Variants in ZNF99 observed in about 807,000 individuals in gnomAD.
ZNF99 encodes the protein zinc finger protein 99, also known as zinc finger protein ENSP00000375192.
In ZNF99, 8 loss-of-function variants were observed where a neutral mutation model predicts 12.8. The observed-to-expected ratio is 0.62, with a 90% CI of 0.37 to 1.13. ZNF99 has a LOEUF of 1.13. Ranked by LOEUF, ZNF99 falls within the 50% of genes most tolerant of loss-of-function variation. The pLI, the probability that ZNF99 is intolerant of heterozygous loss-of-function variation, is 0.02. For missense variants in ZNF99, 1,007 were observed against 1,006.2 expected, an observed-to-expected ratio of 1.00 and a Z score of -0.01; for synonymous variants, 318 against 319.0, an observed-to-expected ratio of 1.00 and a Z score of 0.03.
chr19:22,783,819 G>A (rs7248413), intron 1 of ZNF99, among the ~76,000 whole-genome samples, 195 bp downstream of exon 1: 12,998 of 152,190 alleles, frequency 0.085, 572 homozygotes, highest in Middle Eastern at 0.11. Context: ...CAGGAAGGAG[G>A]CAGGTCGCCC....
rs1189839136 is a variant in ZNF99 at position 22,759,170 on chromosome 19, A to C, written c.739T>G (p.Cys247Gly). 6.3e-7 allele frequency: 1 copy of C among 1,599,944 alleles called. No homozygotes were observed. The highest frequency in any genetic ancestry group is 1.7e-5 in the Admixed American group (1 of 57,470). Reference protein sequence around the residue: ...AFNISSMFTKCKIIHTGKKPC... With the variant: ...AFNISSMFTKGKIIHTGKKPC... The stretch of plus-strand genomic sequence containing the variant: ...TTCTTTCCAGTATGAATTATCTTAC[A>C]TTTAGTGAACATTGAAGAGATGTTA... The change falls in exon 4 of 4, where the codon TGT becomes GGT. Residue 247 changes from cysteine to glycine, a missense_variant. Transcript: ENST00000596209.
chr19:22,761,556 T>C (rs1269855956), intron 3 of ZNF99, among the ~76,000 whole-genome samples: 1 of 152,074 alleles, frequency 6.6e-6, no homozygotes, highest in Non-Finnish European at 1.5e-5. Context: ...ACTTCAATAC[T>C]CCACTGACAG....
rs1973113839 is a variant in ZNF99, at chr19:22,758,872, C to T, written c.1037G>A (p.Cys346Tyr). Residue 346 changes from cysteine to tyrosine, a missense_variant, in exon 4 of 4, where the codon TGT becomes TAT. Physicochemically the swap from Cys to Tyr is radical, Grantham distance 194. Transcript: ENST00000596209. ...TGKKPYKCEE[C>Y]GKAFSQSSTL... ...TGAGGACTGGCTAAAAGCTTTGCCA[C>T]ATTCTTCACATTTGTAGGGTTTCTT... The T allele has an allele frequency of 1.9e-6, 3 of 1,613,698 alleles. No homozygotes were observed. The African/African-American group carries it at 4.0e-5, about 22-fold the overall frequency.
rs946839625 is a variant in ZNF99, at chr19:22,778,402, T to C, written c.3+5612A>G. Among the ~76,000 whole-genome samples, 4 of 152,120 alleles carry C rather than the reference T, an allele frequency of 2.6e-5. No homozygotes were observed. In the East Asian group the frequency reaches 5.8e-4, roughly 22 times the overall value. On this transcript the variant is annotated intron_variant, in intron 1 of 3. Transcript: ENST00000596209. Reference sequence around the variant, plus strand: ...CACCAAGCAATTCTCCCACACCAACTCACTGTCTGACATTCTCCAACACCA... The same window carrying C: ...CACCAAGCAATTCTCCCACACCAACCCACTGTCTGACATTCTCCAACACCA...
Position 22,752,483 on chromosome 19 carries a change from AAAAG to A in ZNF99, c.*4827_*4830del, listed in dbSNP as rs1454750110. 6.6e-6 allele frequency: 1 copy of A among 152,114 alleles called. No homozygotes were observed. Among genetic ancestry groups the A allele is most frequent in the Non-Finnish European group, 1.5e-5 (1 of 68,006 alleles). 9.4% of individuals were successfully genotyped at this position (152,114 alleles called of 1,614,324 possible). A position where few individuals can be genotyped will look rare whatever the true frequency, so the allele number is the denominator to read the frequency against. On this transcript the variant is annotated 3_prime_UTR_variant, in exon 4 of 4. Transcript: ENST00000596209. Reference sequence around the variant, plus strand: ...GTTTAAATTTGTCAAGGCAAAAAAAAAAAGAAGTTTAAATAAGATTAAAAGTATA... The same window carrying A: ...GTTTAAATTTGTCAAGGCAAAAAAAAAAGTTTAAATAAGATTAAAAGTATA...
chr19:22,779,229 T>C (rs1408281897), intron 1 of ZNF99, among the ~76,000 whole-genome samples: 3 of 151,500 alleles, frequency 2.0e-5, no homozygotes, highest in Non-Finnish European at 4.4e-5. Context: ...CATTAAAAAA[T>C]AAATAAATAA....
chr19:22,784,110 A>T lies in ZNF99; in HGVS notation c.-94T>A, dbSNP rs895640846. On this transcript the variant is annotated 5_prime_UTR_variant, in exon 1 of 4. Coordinates refer to ENST00000596209, the MANE Select transcript of ZNF99 (RefSeq NM_001080409.3). ...CAGAGGCTAAGGACACAGAGCAGTA[A>T]AAACGAGATCCGGAGCTCCAGCTGG... The T allele has an allele frequency of 7.7e-6, 11 of 1,434,766 alleles. No homozygotes were observed. Among genetic ancestry groups the T allele is most frequent in the Non-Finnish European group, 1.1e-5 (11 of 1,037,068 alleles). The allele number at this position is 1,434,766 out of a possible 1,614,324, so 88.9% of individuals were successfully genotyped here.
At chr19:22,768,061 C>A (rs1973224249) in intron 3 of ZNF99, among the ~76,000 whole-genome samples, 1 of 152,168 alleles carries the variant, frequency 6.6e-6, no homozygotes, top group Admixed American at 6.5e-5. Context: ...ATGCCATGAA[C>A]ACAACTTTGG....
chr19:22,759,368 A>G lies in ZNF99; in HGVS notation c.541T>C (p.Ser181Pro). The change falls in exon 4 of 4, where the codon TCA (serine) becomes CCA (proline). Residue 181 changes from serine to proline, a missense_variant. Ser to Pro is a moderately conservative substitution (Grantham distance 74). Transcript: ENST00000596209. ...KTFKCMKCSK[S>P]FFMLSHLIQH... ...ATTAAGTGTGAAAGCATGAAAAATG[A>G]TTTGCTACATTTCATACATTTGAAA... is the stretch of plus-strand genomic sequence containing the variant. 6.4e-7 allele frequency: 1 copy of G among 1,552,728 alleles called. No individual in the cohort carries two copies. Among genetic ancestry groups the G allele is most frequent in the Non-Finnish European group, 8.7e-7 (1 of 1,148,750 alleles).
chr19:22,777,738 G>A (rs1310748251), intron 1 of ZNF99, among the ~76,000 whole-genome samples: 1 of 152,040 alleles, frequency 6.6e-6, no homozygotes, highest in Non-Finnish European at 1.5e-5. Flanking sequence ...TCTGGGGTTG[G>A]GATATGCCAG....
In ZNF99 at chr19:22,771,638, C is replaced by T. The variant is rs923377687; in HGVS notation, c.4-2314G>A. Among the ~76,000 whole-genome samples the T allele has an allele frequency of 8.0e-5, 12 of 150,710 alleles. 1 individual carries two copies. The highest frequency in any genetic ancestry group is 6.0e-4 in the Admixed American group (9 of 15,032). ...TCAACATTACATGTTCTACTTTTTC[C>T]GTAAGGACCCCAGCTTTTCCCCAAT... On this transcript the variant is annotated intron_variant, in intron 1 of 3. Coordinates refer to ENST00000596209, the MANE Select transcript of ZNF99 (RefSeq NM_001080409.3).
intron 1 of ZNF99, chr19:22,769,773 A>G (rs1457408449): frequency 9.4e-7 from 1 of 1,060,768 alleles, no homozygotes; most frequent in African/African-American, 1.7e-5. Flanking sequence ...AAAAAAAAAA[A>G]TAAAGAAAAG....
intron 1 of ZNF99, among the ~76,000 whole-genome samples, chr19:22,779,956 A>G (rs1013560393): frequency 6.6e-6 from 1 of 152,216 alleles, no homozygotes; most frequent in Non-Finnish European, 1.5e-5. Context: ...TCTCAAAACA[A>G]TAACAATTTC....
Position 22,756,022 on chromosome 19 carries a change from A to C in ZNF99, c.*1292T>G. On this transcript the variant is annotated 3_prime_UTR_variant, in exon 4 of 4. Transcript: ENST00000596209. ...GTGAGGACTGGTTAAAGGCTTTGCC[A>C]CATTCTTTACATTTGTGGGGTTTCT... The C allele has an allele frequency of 1.0e-6, 1 of 984,430 alleles. No individual in the cohort carries two copies. The highest frequency in any genetic ancestry group is 1.5e-6 in the Non-Finnish European group (1 of 675,948). 61.0% of individuals were successfully genotyped at this position (984,430 alleles called of 1,614,324 possible).
At chr19:22,770,038 G>A in intron 1 of ZNF99, 1 of 1,295,232 alleles carries the variant, frequency 7.7e-7, no homozygotes. Flanking sequence ...TGGAGATCTT[G>A]TTAAGCATAT....
intron 2 of ZNF99, 65 bp from the exon 3 acceptor site, chr19:22,768,465 G>C: frequency 1.5e-6 from 2 of 1,364,396 alleles, no homozygotes. Context: ...GCTCATTAAA[G>C]AGAATGTAAT....
In ZNF99 at chr19:22,752,526, C is replaced by T. The variant is rs997598143; in HGVS notation, c.*4788G>A. Reference sequence around the variant, plus strand: ...ATTAAAAGTATAAAAATGTAACCTACGAGAACAATATTCTTTAATTTATTT... The same window carrying T: ...ATTAAAAGTATAAAAATGTAACCTATGAGAACAATATTCTTTAATTTATTT... On this transcript the variant is annotated 3_prime_UTR_variant, in exon 4 of 4. Coordinates refer to ENST00000596209, the MANE Select transcript of ZNF99 (RefSeq NM_001080409.3). 4 of 150,728 alleles carry T rather than the reference C, an allele frequency of 2.7e-5. No homozygotes were observed. Among genetic ancestry groups the T allele is most frequent in the East Asian group, 3.9e-4 (2 of 5,140 alleles). 9.3% of individuals were successfully genotyped at this position (150,728 alleles called of 1,614,324 possible). A position where few individuals can be genotyped will look rare whatever the true frequency, so the allele number is the denominator to read the frequency against.
At chr19:22,764,023 C>T (rs915760706) in intron 3 of ZNF99, among the ~76,000 whole-genome samples, 4 of 150,784 alleles carry the variant, frequency 2.7e-5, no homozygotes, top group Non-Finnish European at 5.9e-5. Flanking sequence ...ATTCTCCTGC[C>T]TCAGCCTCCC....
In ZNF99 at chr19:22,758,419, G is replaced by A. The variant is rs1482213730; in HGVS notation, c.1490C>T (p.Thr497Ile). 8.1e-6 allele frequency: 13 copies of A among 1,603,470 alleles called. No homozygotes were observed. In the African/African-American group the frequency reaches 1.5e-4, roughly 18 times the overall value. ...TTCCATATGAATTACCTTATGTACA[G>A]TAAGTTTTGAGGACCACTTAAAAGC... is the stretch of plus-strand genomic sequence containing the variant. ...GKAFKWSSKL[T>I]VHKVIHMEEK... The change falls in exon 4 of 4, where the codon ACT (threonine) becomes ATT (isoleucine). Residue 497 changes from threonine to isoleucine, a missense_variant. Coordinates refer to ENST00000596209, the MANE Select transcript of ZNF99 (RefSeq NM_001080409.3).
Sources: gnomAD v4.1 joint callset for allele counts (sites outside exome capture counted in the v4.1 genomes callset) on GRCh38, gnomAD v4.1.1 for gene constraint, MANE v1.5 for transcripts, NCBI Gene and HGNC (gene_info 2026-07-23, HGNC 2026-07-21) for gene names.